DPP10: variants seen among roughly 807,000 people sequenced by gnomAD.
DPP10 encodes the protein dipeptidyl peptidase like 10.
A neutral mutation model predicts 120.9 loss-of-function variants in DPP10; 33 were observed. That is an observed-to-expected ratio of 0.27 (90% confidence interval 0.21 to 0.37). The LOEUF (loss-of-function observed/expected upper bound fraction) is 0.37. DPP10 is among the 10% of genes least tolerant of loss of function. DPP10 has a pLI of 1.00. For missense variants in DPP10, 816 were observed against 942.8 expected, an observed-to-expected ratio of 0.87 and a Z score of 1.76; for synonymous variants, 337 against 326.1, an observed-to-expected ratio of 1.03 and a Z score of -0.36.
intron 3 of DPP10, among the ~76,000 whole-genome samples, chr2:115,384,244 C>G (rs1231049832): frequency 6.6e-6 from 1 of 152,020 alleles, no homozygotes; most frequent in Non-Finnish European, 1.5e-5. Context: ...CAGGTTGGCT[C>G]ACACCTGTAA....
chr2:115,821,640 A>G (rs894324238), intron 21 of DPP10, among the ~76,000 whole-genome samples: 7 of 151,552 alleles, frequency 4.6e-5, no homozygotes, highest in African/African-American at 7.3e-5. Context: ...GTCCTATTAT[A>G]TTTCTTGTGT....
intron 1 of DPP10, among the ~76,000 whole-genome samples, chr2:114,704,103 G>A (rs960421024): frequency 1.3e-5 from 2 of 152,082 alleles, no homozygotes; most frequent in Non-Finnish European, 2.9e-5. Flanking sequence ...GTGTTATAAA[G>A]GTTAGGAATA....
At chr2:114,827,319 T>C (rs1686644199) in intron 1 of DPP10, among the ~76,000 whole-genome samples, 3 of 152,186 alleles carry the variant, frequency 2.0e-5, no homozygotes, top group Non-Finnish European at 4.4e-5. Context: ...AGATGTTTTA[T>C]GGCAAATGAT....
At chr2:114,960,149 A>T (rs1698502868) in intron 1 of DPP10, among the ~76,000 whole-genome samples, 1 of 152,134 alleles carries the variant, frequency 6.6e-6, no homozygotes, top group Admixed American at 6.5e-5. Flanking sequence ...ACATAATTTC[A>T]TCTCCTACCA....
intron 1 of DPP10, among the ~76,000 whole-genome samples, chr2:114,523,807 C>A (rs187258047): frequency 1.7e-4 from 26 of 152,294 alleles, no homozygotes; most frequent in African/African-American, 6.0e-4. Flanking sequence ...CCTCTCTCCC[C>A]TCCACCTGCT....
intron 7 of DPP10, among the ~76,000 whole-genome samples, chr2:115,714,984 G>A (rs1314741499): frequency 2.7e-5 from 4 of 145,546 alleles, no homozygotes; most frequent in Non-Finnish European, 5.9e-5. Context: ...AGGCAAGATC[G>A]CGCCACCGCA....
intron 7 of DPP10, among the ~76,000 whole-genome samples, chr2:115,715,043 A>G (rs533680082): frequency 6.6e-6 from 1 of 150,746 alleles, no homozygotes; most frequent in Non-Finnish European, 1.5e-5. Context: ...AAAAAAAAAA[A>G]AAAAAATTAT....
chr2:115,005,494 A>G (rs377418774), intron 1 of DPP10, among the ~76,000 whole-genome samples: 1 of 151,474 alleles, frequency 6.6e-6, no homozygotes, highest in African/African-American at 2.4e-5. Flanking sequence ...ATGTATAACT[A>G]GAATAACCAA....
chr2:115,637,116 G>A (rs2086401323), intron 5 of DPP10, among the ~76,000 whole-genome samples: 1 of 151,818 alleles, frequency 6.6e-6, no homozygotes, highest in Admixed American at 6.6e-5. Context: ...AATGTTAAAG[G>A]TATAATGTAA....
chr2:114,872,679 C>A (rs1464794848), intron 1 of DPP10, among the ~76,000 whole-genome samples: 1 of 152,146 alleles, frequency 6.6e-6, no homozygotes, highest in Non-Finnish European at 1.5e-5. Context: ...ATGTACATCT[C>A]TTTTTTCCAC....
At chr2:115,663,184 A>G (rs929170385) in intron 5 of DPP10, among the ~76,000 whole-genome samples, 1 of 152,174 alleles carries the variant, frequency 6.6e-6, no homozygotes, top group Non-Finnish European at 1.5e-5. Context: ...AAATAATGAA[A>G]AAAATGCAAT....
chr2:114,883,706 T>A (rs1691830322), intron 1 of DPP10, among the ~76,000 whole-genome samples: 1 of 152,188 alleles, frequency 6.6e-6, no homozygotes, highest in African/African-American at 2.4e-5. Context: ...AACTGAACAC[T>A]GAATGATGCC....
At chr2:115,543,878 G>C (rs2079330352) in intron 5 of DPP10, among the ~76,000 whole-genome samples, 1 of 151,868 alleles carries the variant, frequency 6.6e-6, no homozygotes, top group African/African-American at 2.4e-5. Flanking sequence ...GAATCAGTAG[G>C]GGAAAGTAGT....
At chr2:115,827,627 G>T (rs1688512584) in intron 21 of DPP10, among the ~76,000 whole-genome samples, 1 of 150,038 alleles carries the variant, frequency 6.7e-6, no homozygotes, top group African/African-American at 2.5e-5. Context: ...ACAGAGTTTT[G>T]CTCTGTTGCC....
chr2:114,758,143 C>T (rs548963763), intron 1 of DPP10, among the ~76,000 whole-genome samples: 1 of 152,226 alleles, frequency 6.6e-6, no homozygotes, highest in Admixed American at 6.5e-5. Context: ...TCACACAATC[C>T]CAAATCTGAT....
chr2:114,916,258 A>G (rs1694795340), intron 1 of DPP10, among the ~76,000 whole-genome samples: 1 of 152,134 alleles, frequency 6.6e-6, no homozygotes, highest in Non-Finnish European at 1.5e-5. Flanking sequence ...AACATATAAC[A>G]TGCTAAGATT....
chr2:115,757,533 A>G (rs59456322), intron 11 of DPP10, among the ~76,000 whole-genome samples: 2 of 152,214 alleles, frequency 1.3e-5, no homozygotes, highest in Middle Eastern at 3.4e-3. Context: ...AGCAAAGGAA[A>G]GATTCGCCCC....
At position 115,476,382 on chromosome 2, in the gene DPP10, A is replaced by G. The variant is rs1574958762; in HGVS notation, c.272-23128A>G. Reference sequence around the variant, plus strand: ...GTAAGCTTCCTGAGGCCTCTCCAAAAGTAGAAGCCACTATACTTCCTGTAC... The same window carrying G: ...GTAAGCTTCCTGAGGCCTCTCCAAAGGTAGAAGCCACTATACTTCCTGTAC... On this transcript the variant is annotated intron_variant, in intron 3 of 25. Coordinates refer to ENST00000410059, the MANE Select transcript of DPP10 (RefSeq NM_020868.6). Among the ~76,000 whole-genome samples the G allele has an allele frequency of 2.0e-5, 3 of 152,214 alleles. No homozygotes were observed. The East Asian group carries it at 5.8e-4, about 29-fold the overall frequency.
intron 5 of DPP10, among the ~76,000 whole-genome samples, chr2:115,616,343 T>C (rs1300013327): frequency 6.6e-6 from 1 of 152,046 alleles, no homozygotes; most frequent in Non-Finnish European, 1.5e-5. Context: ...TGTTTTCCAA[T>C]TGAGGTAACT....
Sources: gnomAD v4.1 joint callset for allele counts (sites outside exome capture counted in the v4.1 genomes callset) on GRCh38, gnomAD v4.1.1 for gene constraint, MANE v1.5 for transcripts, NCBI Gene and HGNC (gene_info 2026-07-23, HGNC 2026-07-21) for gene names.